DLGAP2: variants seen among roughly 807,000 people sequenced by gnomAD.
DLGAP2 encodes the protein disks large-associated protein 2.
Under a neutral mutation model 100.3 loss-of-function variants are expected in DLGAP2, and 26 were observed. The observed-to-expected ratio is 0.26, with a 90% CI of 0.19 to 0.36. The LOEUF (loss-of-function observed/expected upper bound fraction) is 0.36, where lower values mean the gene tolerates loss of function less well. Ranked by LOEUF, DLGAP2 falls within the 10% of genes least tolerant of loss-of-function variation. The pLI is 1.00. For missense variants in DLGAP2, 1,858 were observed against 1,453.2 expected, an observed-to-expected ratio of 1.28 and a Z score of -4.53; for synonymous variants, 886 against 630.1, an observed-to-expected ratio of 1.41 and a Z score of -6.08.
chr8:1,061,814 C>T (rs958642260), intron 2 of DLGAP2, among the ~76,000 whole-genome samples: 1 of 152,014 alleles, frequency 6.6e-6, no homozygotes, highest in Non-Finnish European at 1.5e-5. Flanking sequence ...TCCTCTGTAA[C>T]TTTTCAGACA....
intron 2 of DLGAP2, among the ~76,000 whole-genome samples, chr8:1,160,481 T>C (rs1218797692): frequency 2.6e-5 from 4 of 152,086 alleles, no homozygotes; most frequent in Non-Finnish European, 2.9e-5. Context: ...GCTAGGGGAG[T>C]CTTTTGTGGT....
At chr8:1,519,955 C>T (rs1266345466) in intron 4 of DLGAP2, among the ~76,000 whole-genome samples, 1 of 152,192 alleles carries the variant, frequency 6.6e-6, no homozygotes, top group East Asian at 1.9e-4. Flanking sequence ...CTGGGAGCCT[C>T]GGTTTCCAGT....
chr8:1,693,841 G>A (rs1223075252), intron 13 of DLGAP2, among the ~76,000 whole-genome samples: 1 of 152,212 alleles, frequency 6.6e-6, no homozygotes, highest in African/African-American at 2.4e-5. Flanking sequence ...CTGTAACTGT[G>A]TAAACATTCA....
chr8:1,146,856 T>C (rs988639405), intron 2 of DLGAP2, among the ~76,000 whole-genome samples: 10 of 152,226 alleles, frequency 6.6e-5, no homozygotes, highest in African/African-American at 2.4e-4. Context: ...ATTAGAACCA[T>C]TGATCTCTTT....
At chr8:744,773 A>C (rs1489841819) in intron 1 of DLGAP2, among the ~76,000 whole-genome samples, 2 of 152,110 alleles carry the variant, frequency 1.3e-5, no homozygotes, top group African/African-American at 4.8e-5. Context: ...CTCTGGCTTC[A>C]CCCACACTGG....
intron 2 of DLGAP2, among the ~76,000 whole-genome samples, chr8:972,583 A>G (rs568862968): frequency 8.6e-5 from 13 of 151,668 alleles, no homozygotes; most frequent in Admixed American, 2.0e-4. Context: ...ACTGAAAAGC[A>G]AAGGTAGAAA....
intron 5 of DLGAP2, among the ~76,000 whole-genome samples, chr8:1,554,967 G>T (rs886219601): frequency 1.3e-5 from 2 of 152,184 alleles, no homozygotes; most frequent in African/African-American, 4.8e-5. Context: ...TATCCTTAGC[G>T]ATACCAGTGC....
intron 1 of DLGAP2, among the ~76,000 whole-genome samples, chr8:821,725 G>C (rs1393196878): frequency 1.3e-5 from 2 of 152,142 alleles, no homozygotes; most frequent in Non-Finnish European, 2.9e-5. Context: ...AATTATATAA[G>C]GAATCATCAT....
chr8:1,266,545 CCT>C (rs1363067381), intron 3 of DLGAP2, among the ~76,000 whole-genome samples: 1 of 152,220 alleles, frequency 6.6e-6, no homozygotes, highest in African/African-American at 2.4e-5. Context: ...GTCAGTTCCT[CCT>C]CTGTTGGATA....
At chr8:1,350,609 G>A (rs543704296) in intron 3 of DLGAP2, among the ~76,000 whole-genome samples, 15 of 64,530 alleles carry the variant, frequency 2.3e-4, no homozygotes, top group African/African-American at 7.7e-4. Context: ...AAGGCCGCGC[G>A]GGTCCTGACT....
At chr8:970,800 C>T (rs1799995708) in intron 2 of DLGAP2, among the ~76,000 whole-genome samples, 1 of 152,102 alleles carries the variant, frequency 6.6e-6, no homozygotes, top group African/African-American at 2.4e-5. Flanking sequence ...ATTCTATGAC[C>T]TTGATTTTAG....
At chr8:1,021,681 A>G (rs147425875) in intron 2 of DLGAP2, among the ~76,000 whole-genome samples, 152 of 152,282 alleles carry the variant, frequency 1.0e-3, no homozygotes, top group Non-Finnish European at 1.9e-3. Context: ...TTCAGCTCAC[A>G]TAATTTTACA....
intron 3 of DLGAP2, among the ~76,000 whole-genome samples, chr8:1,468,118 G>T (rs534526455): frequency 1.3e-5 from 2 of 152,374 alleles, no homozygotes; most frequent in East Asian, 3.9e-4. Flanking sequence ...CAGGGTCACA[G>T]GAGCAGGGAG....
intron 2 of DLGAP2, among the ~76,000 whole-genome samples, chr8:964,618 C>A (rs1310402274): frequency 6.6e-6 from 1 of 152,264 alleles, no homozygotes; most frequent in African/African-American, 2.4e-5. Flanking sequence ...GTGTCTGTCC[C>A]ATCCTGGGGC....
chr8:1,494,085 T>A (rs904696876), intron 3 of DLGAP2, among the ~76,000 whole-genome samples: 1 of 152,014 alleles, frequency 6.6e-6, no homozygotes, highest in East Asian at 1.9e-4. Flanking sequence ...TAACAAACAC[T>A]CTGCAGGGCA....
chr8:1,339,729 A>T (rs1168677566), intron 3 of DLGAP2, among the ~76,000 whole-genome samples: 1 of 152,216 alleles, frequency 6.6e-6, no homozygotes, highest in Non-Finnish European at 1.5e-5. Flanking sequence ...CGGGCGCATC[A>T]GGGCAGAGGA....
intron 6 of DLGAP2, among the ~76,000 whole-genome samples, chr8:1,622,620 C>T (rs1585005476): frequency 6.6e-6 from 1 of 152,310 alleles, no homozygotes; most frequent in African/African-American, 2.4e-5. Flanking sequence ...CACAGCTTTC[C>T]GTCTCGCCTG....
At chr8:1,597,014 T>C (rs1796478987) in intron 6 of DLGAP2, among the ~76,000 whole-genome samples, 1 of 152,244 alleles carries the variant, frequency 6.6e-6, no homozygotes, top group Non-Finnish European at 1.5e-5. Flanking sequence ...TGTTTAAGTC[T>C]TTTATCCATC....
intron 8 of DLGAP2, among the ~76,000 whole-genome samples, chr8:1,634,647 T>A (rs1032065025): frequency 1.3e-5 from 2 of 152,222 alleles, no homozygotes; most frequent in Non-Finnish European, 2.9e-5. Context: ...AGATCATTAC[T>A]CATACTTTCA....
Sources: allele counts gnomAD v4.1 joint callset (sites outside exome capture counted in the v4.1 genomes callset), GRCh38; gene constraint gnomAD v4.1.1; transcripts MANE v1.5; gene names NCBI Gene and HGNC (gene_info 2026-07-23, HGNC 2026-07-21).